SEC63: variants seen among roughly 807,000 people sequenced by gnomAD.
The protein encoded by SEC63 is translocation protein SEC63 homolog.
SEC63 carries 56 observed loss-of-function variants against 116.2 expected under a neutral mutation model. The observed-to-expected ratio is 0.48, with a 90% CI of 0.39 to 0.60. The LOEUF (loss-of-function observed/expected upper bound fraction) is 0.60, where lower values mean the gene tolerates loss of function less well. Among genes scored for constraint, SEC63 ranks in the 20% least tolerant of loss-of-function variants. SEC63 has a pLI of 0.00. For missense variants in SEC63, 668 were observed against 900.0 expected (o/e 0.74, Z 3.30); for synonymous variants, 273 against 294.6 (o/e 0.93, Z 0.75).
intron 1 of SEC63, among the ~76,000 whole-genome samples, chr6:107,934,100 G>T (rs1005615362): frequency 3.9e-5 from 6 of 152,154 alleles, no homozygotes; most frequent in Admixed American, 1.3e-4. Flanking sequence ...GCCTGCCTTG[G>T]CCTCCCAAAG....
At chr6:107,912,534 G>A (rs528528783) in intron 6 of SEC63, among the ~76,000 whole-genome samples, 182 bp downstream of exon 6, 19 of 152,208 alleles carry the variant, frequency 1.2e-4, no homozygotes, top group Admixed American at 2.6e-4. Context: ...GCAGTGAGCC[G>A]AGATCACGCC....
At chr6:107,914,283 A>G (rs1370221478) in intron 4 of SEC63, among the ~76,000 whole-genome samples, 1 of 152,176 alleles carries the variant, frequency 6.6e-6, no homozygotes, top group Non-Finnish European at 1.5e-5. Context: ...GACCAATAAC[A>G]TAATAAGGAA....
At chr6:107,916,289 A>G (rs1787397943) in intron 4 of SEC63, among the ~76,000 whole-genome samples, 1 of 152,254 alleles carries the variant, frequency 6.6e-6, no homozygotes, top group African/African-American at 2.4e-5. Context: ...TAACTGAAAG[A>G]CAGTAACCTC....
intron 16 of SEC63, among the ~76,000 whole-genome samples, chr6:107,884,454 C>T (rs529422286): frequency 3.3e-5 from 5 of 151,964 alleles, no homozygotes; most frequent in South Asian, 2.1e-4. Flanking sequence ...AATAATGTTA[C>T]GCCAACAAAT....
chr6:107,902,261 A>G (rs1033994041), intron 12 of SEC63, among the ~76,000 whole-genome samples: 1 of 152,236 alleles, frequency 6.6e-6, no homozygotes, highest in East Asian at 1.9e-4. Flanking sequence ...TATTAATTCT[A>G]CATTAATATA....
intron 16 of SEC63, among the ~76,000 whole-genome samples, chr6:107,890,966 G>A (rs1786666541): frequency 6.6e-6 from 1 of 152,140 alleles, no homozygotes; most frequent in Non-Finnish European, 1.5e-5. Flanking sequence ...TTCCCTTTGT[G>A]GGTAACCCGA....
At chr6:107,903,027 G>A (rs1787044401) in intron 11 of SEC63, 29 bp from the exon 12 acceptor site, 1 of 1,612,944 alleles carries the variant, frequency 6.2e-7, no homozygotes, top group Non-Finnish European at 8.5e-7. Context: ...AAAAGAAACA[G>A]GGCTGGACTT....
At chr6:107,926,121 A>G (rs530286952) in intron 2 of SEC63, among the ~76,000 whole-genome samples, 2 of 152,336 alleles carry the variant, frequency 1.3e-5, no homozygotes, top group South Asian at 4.1e-4. Context: ...CCCAGCCTCT[A>G]CAGTGAAATA....
At chr6:107,905,555 G>A (rs924010075) in intron 10 of SEC63, among the ~76,000 whole-genome samples, 6 of 152,144 alleles carry the variant, frequency 3.9e-5, no homozygotes, top group African/African-American at 1.4e-4. Flanking sequence ...GACATCCCTG[G>A]AAACACTGTT....
chr6:107,955,442 G>A (rs1023893032), intron 1 of SEC63, among the ~76,000 whole-genome samples: 20 of 152,290 alleles, frequency 1.3e-4, no homozygotes, highest in South Asian at 4.1e-4. Context: ...CACGGCAGGC[G>A]TGAGCCACCA....
intron 6 of SEC63, among the ~76,000 whole-genome samples, chr6:107,911,769 T>G (rs1787289640): frequency 6.6e-6 from 1 of 152,230 alleles, no homozygotes; most frequent in African/African-American, 2.4e-5. Flanking sequence ...TTTTGTAAAT[T>G]ACATTTCTCT....
rs1396554646 is a variant in SEC63 at position 107,886,975 on chromosome 6, T to C, written c.1675-3829A>G. 2.0e-5 allele frequency among the ~76,000 whole-genome samples: 3 copies of C among 152,072 alleles called. No individual in the cohort carries two copies. The East Asian group carries it at 5.8e-4, about 29-fold the overall frequency. On this transcript the variant is annotated intron_variant, in intron 16 of 20. Coordinates refer to ENST00000369002, the MANE Select transcript of SEC63 (RefSeq NM_007214.5). Reference sequence around the variant, plus strand: ...TCTTTGCCCATGCCTATGTCCTGAGTGGTATTGCCTAGGTTTTCTTCTAGG... The same window carrying C: ...TCTTTGCCCATGCCTATGTCCTGAGCGGTATTGCCTAGGTTTTCTTCTAGG...
chr6:107,881,027 A>G, intron 18 of SEC63, 122 bp downstream of exon 18: 1 of 750,604 alleles, frequency 1.3e-6, no homozygotes, highest in East Asian at 2.5e-5. Flanking sequence ...ATGGCCTCTC[A>G]GGATAGACCA....
At chr6:107,922,026 A>T (rs1787569866) in intron 3 of SEC63, 117 bp from the exon 4 acceptor site, 1 of 647,186 alleles carries the variant, frequency 1.5e-6, no homozygotes, top group Admixed American at 2.8e-5. Context: ...GTATTTTGAG[A>T]AAGACAAAAT....
At position 107,883,806 on chromosome 6, in the gene SEC63, C is replaced by CA. The variant is rs1207049310; in HGVS notation, c.1675-661dup. Among the ~76,000 whole-genome samples the CA allele has an allele frequency of 2.4e-3, 329 of 138,114 alleles. 2 individuals carry two copies. Among genetic ancestry groups the CA allele is most frequent in the Middle Eastern group, 7.3e-3 (2 of 274 alleles). The allele number at this position is 138,114 out of a possible 152,430, so 90.6% of individuals were successfully genotyped here. A position where few individuals can be genotyped will look rare whatever the true frequency, so the allele number is the denominator to read the frequency against. ...TGGGTGACAGAGCAAGACCCTATCT[C>CA]AAAAAAAAAAAGAAATAAAGAAAAG... On this transcript the variant is annotated intron_variant, in intron 16 of 20. Transcript: ENST00000369002.
intron 1 of SEC63, among the ~76,000 whole-genome samples, chr6:107,943,531 A>G (rs1182001579): frequency 1.3e-5 from 2 of 152,230 alleles, no homozygotes; most frequent in African/African-American, 2.4e-5. Flanking sequence ...AAATCCACGT[A>G]TAAGTGGACC....
chr6:107,895,080 C>T (rs1335392769), intron 14 of SEC63, among the ~76,000 whole-genome samples: 2 of 152,196 alleles, frequency 1.3e-5, no homozygotes, highest in Non-Finnish European at 2.9e-5. Flanking sequence ...TAGCTGGGTT[C>T]TGATACTTGA....
intron 16 of SEC63, among the ~76,000 whole-genome samples, chr6:107,885,324 C>T (rs1186186657): frequency 6.6e-6 from 1 of 152,090 alleles, no homozygotes; most frequent in Non-Finnish European, 1.5e-5. Context: ...CTCTTTGATA[C>T]AAGGTCAATA....
intron 16 of SEC63, among the ~76,000 whole-genome samples, chr6:107,891,533 T>C (rs1786681721): frequency 6.6e-6 from 1 of 152,082 alleles, no homozygotes; most frequent in African/African-American, 2.4e-5. Flanking sequence ...AGGAGTTTGT[T>C]ATTACCCACC....
Sources: allele counts gnomAD v4.1 joint callset (sites outside exome capture counted in the v4.1 genomes callset), GRCh38; gene constraint gnomAD v4.1.1; transcripts MANE v1.5; gene names NCBI Gene and HGNC (gene_info 2026-07-23, HGNC 2026-07-21).